OSR1: variants seen among roughly 807,000 people sequenced by gnomAD.
OSR1 encodes odd-skipped related transcription factor 1.
In OSR1, 3 loss-of-function variants were observed where a neutral mutation model predicts 15.7. That is an observed-to-expected ratio of 0.19 (90% CI 0.09 to 0.50). OSR1 has a LOEUF of 0.50. OSR1 is among the 20% of genes least tolerant of loss of function. The pLI is 0.97. For missense variants in OSR1, 271 were observed against 351.1 expected, an observed-to-expected ratio of 0.77 and a Z score of 1.82; for synonymous variants, 166 against 152.7, an observed-to-expected ratio of 1.09 and a Z score of -0.64.
intron 1 of OSR1, chr2:19,354,101 G>T: frequency 2.4e-6 from 1 of 415,390 alleles, no homozygotes. Flanking sequence ...ACTTGATAGA[G>T]GGAAGGGCCT....
downstream of OSR1, among the ~76,000 whole-genome samples, chr2:19,348,769 T>C (rs1031597089): frequency 5.3e-5 from 8 of 152,332 alleles, no homozygotes; most frequent in African/African-American, 1.9e-4. Flanking sequence ...AAGAAGCTCC[T>C]GCAAGCTGTT....
chr2:19,348,606 G>A (rs1221640066), downstream of OSR1: 1 of 154,296 alleles, frequency 6.5e-6, no homozygotes, highest in Non-Finnish European at 1.5e-5. Flanking sequence ...GTCACGTCAG[G>A]GAGTCCCAGA....
At chr2:19,353,994 C>A in intron 1 of OSR1, 157 bp from the exon 2 acceptor site, 1 of 638,236 alleles carries the variant, frequency 1.6e-6, no homozygotes, top group Non-Finnish European at 2.7e-6. Context: ...ACTGCCCTCA[C>A]AAAGAGGGTG....
rs1034207092 is a variant in OSR1, at chr2:19,357,337, T to C, written c.-33+1004A>G. 1.1e-4 allele frequency among the ~76,000 whole-genome samples: 17 copies of C among 152,186 alleles called. No homozygotes were observed. The highest frequency in any genetic ancestry group is 4.1e-4 in the African/African-American group (17 of 41,456). Reference sequence around the variant, plus strand: ...CAGAGCCAATGCGCAGCTCTTAGCCTGGGTGAAATTTACCAAATTGTGGCA... The same window carrying C: ...CAGAGCCAATGCGCAGCTCTTAGCCCGGGTGAAATTTACCAAATTGTGGCA... On this transcript the variant is annotated intron_variant, in intron 1 of 2. Coordinates refer to ENST00000272223, the MANE Select transcript of OSR1 (RefSeq NM_145260.3). The surrounding 1 kb of genome is among the most constrained non-coding windows in gnomAD (Gnocchi z 5.0).
chr2:19,352,625 A>G (rs1198767524), intron 2 of OSR1, among the ~76,000 whole-genome samples: 2 of 152,078 alleles, frequency 1.3e-5, no homozygotes, highest in African/African-American at 4.8e-5. Flanking sequence ...AGGTTCAGCC[A>G]CCTGTTTAAG....
intron 2 of OSR1, among the ~76,000 whole-genome samples, chr2:19,352,919 G>T (rs1038801689): frequency 6.6e-6 from 1 of 152,196 alleles, no homozygotes; most frequent in African/African-American, 2.4e-5. Context: ...TGGAGCTCAC[G>T]GAGACCTCAC....
At chr2:19,349,670 G>T (rs563139418), downstream of OSR1, among the ~76,000 whole-genome samples, 25 of 152,290 alleles carry the variant, frequency 1.6e-4, no homozygotes, top group Non-Finnish European at 3.5e-4. Context: ...GCAGAGGCTC[G>T]ATCTTCAGGG....
the OSR1 span, among the ~76,000 whole-genome samples, chr2:19,346,209 T>G: frequency 3.3e-5 from 5 of 152,250 alleles, no homozygotes; most frequent in African/African-American, 1.2e-4. Flanking sequence ...GCTGTGCTGA[T>G]GAGAGCCAAC....
At chr2:19,346,168 A>G in the OSR1 span, among the ~76,000 whole-genome samples, 2 of 152,280 alleles carry the variant, frequency 1.3e-5, no homozygotes, top group African/African-American at 4.8e-5. Flanking sequence ...TTTAAAATGT[A>G]TTAATTACGC....
intron 1 of OSR1, chr2:19,354,112 A>T: frequency 2.7e-6 from 1 of 375,920 alleles, no homozygotes; most frequent in Admixed American, 4.0e-5. Flanking sequence ...GGAAGGGCCT[A>T]CTGTATGCAA....
downstream of OSR1, among the ~76,000 whole-genome samples, chr2:19,348,026 C>T (rs754768530): frequency 4.6e-5 from 7 of 152,262 alleles, no homozygotes; most frequent in African/African-American, 1.7e-4. Flanking sequence ...GCAGCACTGG[C>T]CTGCGAGTTC....
rs750384727 is a variant in OSR1, at chr2:19,353,320, G to A, written c.486C>T (p.Pro162=). 1.9e-6 allele frequency: 3 copies of A among 1,614,150 alleles called. No individual in the cohort carries two copies. In the African/African-American group the frequency reaches 4.0e-5, roughly 22 times the overall value. The change falls in exon 2 of 3, where the codon CCC becomes CCT. Residue 162 remains proline, a synonymous_variant. Transcript: ENST00000272223. The part of the protein sequence containing the change: ...DVTKLSPEKK[P]TRGRLPSKTK... ...TCTTGGAAGGCAGACGTCCCCTTGT[G>A]GGCTTCTTTTCTGGAGACAGCTTGG...
intron 2 of OSR1, among the ~76,000 whole-genome samples, chr2:19,352,875 G>C (rs1478834581): frequency 6.6e-6 from 1 of 152,212 alleles, no homozygotes; most frequent in African/African-American, 2.4e-5. Context: ...CCTGAGGATG[G>C]AGGAAGTGGG....
At chr2:19,347,764 C>T (rs186445509), downstream of OSR1, among the ~76,000 whole-genome samples, 43 of 152,340 alleles carry the variant, frequency 2.8e-4, no homozygotes, top group African/African-American at 9.9e-4. Flanking sequence ...GCCGCGCCAC[C>T]CTCGCCAGCT....
downstream of OSR1, among the ~76,000 whole-genome samples, chr2:19,350,264 G>T (rs1176892456): frequency 1.3e-5 from 2 of 152,144 alleles, no homozygotes; most frequent in Non-Finnish European, 2.9e-5. Flanking sequence ...GTCCTGGGCC[G>T]CCCCTCCAGG....
chr2:19,350,930 A>C (rs1368030607), downstream of OSR1, among the ~76,000 whole-genome samples: 1 of 151,916 alleles, frequency 6.6e-6, no homozygotes, highest in Non-Finnish European at 1.5e-5. Context: ...GGAGGGAGTG[A>C]TGTTGGTTTG....
downstream of OSR1, among the ~76,000 whole-genome samples, chr2:19,351,295 A>G (rs1342026429): frequency 6.6e-6 from 1 of 152,048 alleles, no homozygotes; most frequent in Admixed American, 6.5e-5. Flanking sequence ...AGGAAAATCA[A>G]TACATGGTGG....
At chr2:19,353,014 A>G (rs963638857) in intron 2 of OSR1, 127 bp downstream of exon 2, 37 of 1,215,862 alleles carry the variant, frequency 3.0e-5, no homozygotes, top group Non-Finnish European at 4.1e-5. Context: ...TTCCTTCTTG[A>G]TTTTAAAGAA....
downstream of OSR1, among the ~76,000 whole-genome samples, chr2:19,347,375 C>G (rs1412908073): frequency 6.6e-6 from 1 of 152,180 alleles, no homozygotes; most frequent in Non-Finnish European, 1.5e-5. Context: ...AGCCCTACCC[C>G]CATTATAGGA....
Sources: gnomAD v4.1 joint callset for allele counts (sites outside exome capture counted in the v4.1 genomes callset) on GRCh38, gnomAD v4.1.1 for gene constraint, Gnocchi (gnomAD v3.1) non-coding constraint, MANE v1.5 for transcripts, NCBI Gene and HGNC (gene_info 2026-07-23, HGNC 2026-07-21) for gene names.